NNT: variants seen among roughly 807,000 people sequenced by gnomAD.
NNT encodes the protein nicotinamide nucleotide transhydrogenase.
NNT carries 50 observed loss-of-function variants against 104.8 expected under a neutral mutation model. That is an observed-to-expected ratio of 0.48 (90% CI 0.38 to 0.60). NNT has a LOEUF of 0.60. NNT is among the 20% of genes least tolerant of loss of function. NNT has a pLI of 0.00. For missense variants in NNT, 1,131 were observed against 1,330.7 expected, an observed-to-expected ratio of 0.85 and a Z score of 2.33; for synonymous variants, 461 against 490.4, an observed-to-expected ratio of 0.94 and a Z score of 0.79.
At chr5:43,672,262 C>G (rs1741146129) in intron 17 of NNT, among the ~76,000 whole-genome samples, 1 of 152,200 alleles carries the variant, frequency 6.6e-6, no homozygotes, top group Non-Finnish European at 1.5e-5. Flanking sequence ...GTTGGATCGT[C>G]TGAAGCCTTC....
At chr5:43,610,712 A>T (rs1260931662) in intron 2 of NNT, among the ~76,000 whole-genome samples, 1 of 152,184 alleles carries the variant, frequency 6.6e-6, no homozygotes, top group African/African-American at 2.4e-5. Context: ...TGTCCCTACA[A>T]GCCTCCAACT....
chr5:43,659,120 G>T, intron 16 of NNT, 51 bp from the exon 17 acceptor site: 1 of 1,488,158 alleles, frequency 6.7e-7, no homozygotes, highest in Non-Finnish European at 9.0e-7. Context: ...AATGTCAGAG[G>T]TTTTATTTTT....
intron 5 of NNT, among the ~76,000 whole-genome samples, chr5:43,620,496 A>C (rs909120929): frequency 1.1e-4 from 16 of 152,050 alleles, no homozygotes; most frequent in Non-Finnish European, 2.1e-4. Context: ...CTGGGATTAC[A>C]GGCTTGAGCC....
chr5:43,632,100 A>G (rs1456083102), intron 7 of NNT, among the ~76,000 whole-genome samples: 1 of 152,240 alleles, frequency 6.6e-6, no homozygotes, highest in East Asian at 1.9e-4. Context: ...TTTAACAAAA[A>G]TGACTGAAAG....
rs1346459897 is a variant in NNT at position 43,653,021 on chromosome 5, A to G, written c.1867A>G (p.Met623Val). The G allele has an allele frequency of 3.2e-5, 51 of 1,610,832 alleles. No homozygotes were observed. Among genetic ancestry groups the G allele is most frequent in the Middle Eastern group, 1.6e-4 (1 of 6,062 alleles). The change falls in exon 14 of 22, where the codon ATG becomes GTG. Residue 623 changes from methionine to valine, a missense_variant. By Grantham distance (21) the Met-to-Val change is conservative. Coordinates refer to ENST00000344920, the MANE Select transcript of NNT (RefSeq NM_182977.3). The part of the protein sequence containing the change: ...LYSGYNIEQI[M>V]YLGSGLCCVG... ...CTCTCACTTTTCCTTTGAAAAGATCATGTACCTAGGCTCGGGTTTGTGCTG... is the reference window on the plus strand; with the variant it reads ...CTCTCACTTTTCCTTTGAAAAGATCGTGTACCTAGGCTCGGGTTTGTGCTG...
chr5:43,659,187 C>T lies in NNT; in HGVS notation c.2471C>T (p.Ala824Val), dbSNP rs1388790082. 1 of 1,606,024 alleles carries T rather than the reference C, an allele frequency of 6.2e-7. No homozygotes were observed. Among genetic ancestry groups the T allele is most frequent in the Non-Finnish European group, 8.5e-7 (1 of 1,176,362 alleles). The change falls in exon 17 of 22, where the codon GCT (alanine) becomes GTT (valine). Residue 824 changes from alanine to valine, a missense_variant. Coordinates refer to ENST00000344920, the MANE Select transcript of NNT (RefSeq NM_182977.3). ...TTGTTCTAGGGTGTGACTTTGACAG[C>T]TGCTATTGGGGGTGCTGACATGCCC... Reference protein sequence around the residue: ...LSAVMGVTLTAAIGGADMPVV... With the variant: ...LSAVMGVTLTVAIGGADMPVV...
intron 12 of NNT, among the ~76,000 whole-genome samples, chr5:43,651,537 C>T (rs1179104343): frequency 6.6e-6 from 1 of 151,912 alleles, no homozygotes; most frequent in Non-Finnish European, 1.5e-5. Context: ...AAGATCGTGT[C>T]ACTGCACCCT....
At chr5:43,606,374 C>G (rs555387138) in intron 1 of NNT, among the ~76,000 whole-genome samples, 1 of 152,220 alleles carries the variant, frequency 6.6e-6, no homozygotes, top group Non-Finnish European at 1.5e-5. Flanking sequence ...GGCATAGATT[C>G]GGTAGGGGTT....
intron 14 of NNT, 124 bp from the exon 15 acceptor site, chr5:43,655,716 C>G (rs1265898593): frequency 1.4e-6 from 1 of 694,456 alleles, no homozygotes; most frequent in Non-Finnish European, 2.5e-6. Flanking sequence ...GAATATTTAG[C>G]CCGTACTAGG....
chr5:43,607,315 T>C lies in NNT; in HGVS notation c.-53-1828T>C, dbSNP rs112808134. Among the ~76,000 whole-genome samples, 729 of 152,330 alleles carry C rather than the reference T, an allele frequency of 4.8e-3. 5 individuals carry two copies. Among genetic ancestry groups the C allele is most frequent in the African/African-American group, 0.016 (656 of 41,568 alleles). The stretch of plus-strand genomic sequence containing the variant: ...TGACATTCCACCATTGTGATTTGTT[T>C]GTGCCCAACCCTAACTGATCAATTG... On this transcript the variant is annotated intron_variant, in intron 1 of 21. Transcript: ENST00000344920.
In NNT at chr5:43,700,150, C is replaced by T; in HGVS notation, c.2908C>T (p.Pro970Ser). ...FGIHPVAGRMPGQLNVLLAEA... is the reference protein window; with the variant it reads ...FGIHPVAGRMSGQLNVLLAEA... ...AATTCACCCAGTTGCAGGCCGAATG[C>T]CTGGTCAGCTTAATGTGCTGCTGGC... Residue 970 changes from proline to serine, a missense_variant, in exon 20 of 22, where the codon CCT becomes TCT. By Grantham distance (74) the Pro-to-Ser change is moderately conservative. Transcript: ENST00000344920. 1 of 1,612,814 alleles carries T rather than the reference C, an allele frequency of 6.2e-7. No homozygotes were observed. The highest frequency in any genetic ancestry group is 8.5e-7 in the Non-Finnish European group (1 of 1,179,310).
chr5:43,656,013 G>A lies in NNT; in HGVS notation c.2233G>A (p.Gly745Ser), dbSNP rs1248690045. The A allele has an allele frequency of 6.8e-6, 11 of 1,614,148 alleles. No homozygotes were observed. The highest frequency in any genetic ancestry group is 1.1e-5 in the South Asian group (1 of 91,076). Residue 745 changes from glycine to serine, a missense_variant, in exon 15 of 22, where the codon GGC (glycine) becomes AGC (serine). Gly to Ser is a moderately conservative substitution (Grantham distance 56). Coordinates refer to ENST00000344920, the MANE Select transcript of NNT (RefSeq NM_182977.3). ...ANLTKIVAYL[G>S]TYIGGVTFSG... is the part of the protein sequence containing the mutation. The stretch of plus-strand genomic sequence containing the variant: ...TCTCACCAAGATTGTGGCCTACCTC[G>A]GCACTTACATTGGTGGCGTCACCTT...
chr5:43,621,673 G>A (rs1339139978), intron 5 of NNT, among the ~76,000 whole-genome samples: 1 of 151,736 alleles, frequency 6.6e-6, no homozygotes, highest in East Asian at 1.9e-4. Flanking sequence ...CCAAAATTTT[G>A]GGATTACAGG....
At chr5:43,668,243 G>GT (rs1740826703) in intron 17 of NNT, among the ~76,000 whole-genome samples, 2 of 67,308 alleles carry the variant, frequency 3.0e-5, no homozygotes, top group African/African-American at 2.0e-4. Context: ...CTCTGATGGT[G>GT]GTTTTTTTTT....
chr5:43,675,487 A>T, intron 17 of NNT, 24 bp from the exon 18 acceptor site: 1 of 1,600,656 alleles, frequency 6.2e-7, no homozygotes, highest in Non-Finnish European at 8.5e-7. Flanking sequence ...TTAAACTCTC[A>T]CAGCTGATAA....
chr5:43,695,180 T>G (rs1742494556), intron 19 of NNT, among the ~76,000 whole-genome samples: 2 of 152,200 alleles, frequency 1.3e-5, no homozygotes, highest in South Asian at 4.1e-4. Flanking sequence ...CATTATTAGC[T>G]TTAAAGATGT....
At chr5:43,631,750 A>G (rs1169977870) in intron 7 of NNT, among the ~76,000 whole-genome samples, 1 of 152,158 alleles carries the variant, frequency 6.6e-6, no homozygotes, top group Non-Finnish European at 1.5e-5. Flanking sequence ...TAAGTAGTTT[A>G]TAGTTAGCAT....
chr5:43,644,043 A>G, intron 7 of NNT, 149 bp from the exon 8 acceptor site: 1 of 682,458 alleles, frequency 1.5e-6, no homozygotes. Flanking sequence ...GCCCAGTCTC[A>G]CCCATGCTAT....
rs758037529 is a variant in NNT, at chr5:43,612,915, A to G, written c.159A>G (p.Pro53=). ...WCKAPVKPGI[P]YKQLTVGVPK... ...GCCTTTGCTTGTTTCTAGGAATTCC[A>G]TATAAGCAACTGACTGTTGGAGTCC... The change falls in exon 3 of 22, where the codon CCA becomes CCG. Residue 53 remains proline, a synonymous_variant. Transcript: ENST00000344920. The G allele has an allele frequency of 7.5e-6, 12 of 1,610,300 alleles. No individual in the cohort carries two copies. Among genetic ancestry groups the G allele is most frequent in the South Asian group, 4.4e-5 (4 of 90,642 alleles).
Sources: gnomAD v4.1 joint callset for allele counts (sites outside exome capture counted in the v4.1 genomes callset) on GRCh38, gnomAD v4.1.1 for gene constraint, MANE v1.5 for transcripts, NCBI Gene and HGNC (gene_info 2026-07-23, HGNC 2026-07-21) for gene names.